FSTL5: variants seen among roughly 807,000 people sequenced by gnomAD.
FSTL5 encodes the protein follistatin like 5, also known as follistatin-related protein 5.
FSTL5 carries 62 observed loss-of-function variants against 89.1 expected under a neutral mutation model. That is an observed-to-expected ratio of 0.70 (90% CI 0.57 to 0.86). The LOEUF (loss-of-function observed/expected upper bound fraction) is 0.86. FSTL5 is among the 40% of genes least tolerant of loss of function. FSTL5 has a pLI of 0.00. For missense variants in FSTL5, 1,057 were observed against 1,001.6 expected (o/e 1.06, Z -0.75); for synonymous variants, 383 against 346.2 (o/e 1.11, Z -1.18).
intron 4 of FSTL5, among the ~76,000 whole-genome samples, chr4:161,887,488 A>G (rs961718606): frequency 2.6e-5 from 4 of 151,492 alleles, no homozygotes; most frequent in East Asian, 1.9e-4. Flanking sequence ...ATCTACTTCT[A>G]TCATCTCTCA....
In FSTL5 at chr4:161,573,969, G is replaced by A. The variant is rs537392160; in HGVS notation, c.1015+13486C>T. ...AGTTAGTTGGGTTTGGAGAGTACAC[G>A]GGATAATCCACGTTCATGCATTGTC... On this transcript the variant is annotated intron_variant, in intron 8 of 15. Coordinates refer to ENST00000306100, the MANE Select transcript of FSTL5 (RefSeq NM_020116.5). Among the ~76,000 whole-genome samples, 81 of 152,170 alleles carry A rather than the reference G, an allele frequency of 5.3e-4. 1 individual carries two copies. The highest frequency in any genetic ancestry group is 1.9e-3 in the African/African-American group (77 of 41,540).
chr4:161,798,725 G>C (rs570020693), intron 4 of FSTL5, among the ~76,000 whole-genome samples: 30 of 151,520 alleles, frequency 2.0e-4, no homozygotes, highest in Non-Finnish European at 3.7e-4. Context: ...TCTGGTGATA[G>C]GACCCATTTG....
At chr4:161,631,326 T>G (rs768134646) in intron 7 of FSTL5, among the ~76,000 whole-genome samples, 3 of 152,332 alleles carry the variant, frequency 2.0e-5, no homozygotes, top group East Asian at 1.9e-4. Context: ...TGTTCTTCTA[T>G]TAATAATTCA....
At position 161,676,003 on chromosome 4, in the gene FSTL5, G is replaced by C. The variant is rs1376309680; in HGVS notation, c.728-19509C>G. ...GTAGGAAACGAATCACATCAGATAAGTGCAAGCTGGTTTCTGGTATAATTC... is the reference window on the plus strand; with the variant it reads ...GTAGGAAACGAATCACATCAGATAACTGCAAGCTGGTTTCTGGTATAATTC... On this transcript the variant is annotated intron_variant, in intron 6 of 15. Transcript: ENST00000306100. 2.0e-5 allele frequency among the ~76,000 whole-genome samples: 3 copies of C among 152,106 alleles called. No homozygotes were observed. The East Asian group carries it at 5.8e-4, about 29-fold the overall frequency.
intron 1 of FSTL5, among the ~76,000 whole-genome samples, chr4:162,144,254 A>C (rs1390172921): frequency 6.6e-6 from 1 of 152,226 alleles, no homozygotes; most frequent in African/African-American, 2.4e-5. Context: ...TGCACACATC[A>C]GTGATTTATA....
intron 2 of FSTL5, among the ~76,000 whole-genome samples, chr4:162,053,891 G>T (rs1230269314): frequency 6.6e-6 from 1 of 151,460 alleles, no homozygotes; most frequent in South Asian, 2.1e-4. Flanking sequence ...TGAAAAAATA[G>T]TTCCTGTTCT....
At chr4:161,860,707 G>A (rs1005983481) in intron 4 of FSTL5, among the ~76,000 whole-genome samples, 3 of 152,084 alleles carry the variant, frequency 2.0e-5, no homozygotes, top group African/African-American at 4.8e-5. Context: ...AGGGAGTAAA[G>A]CCTTTATTTT....
chr4:161,782,797 C>T (rs974099053), intron 4 of FSTL5, among the ~76,000 whole-genome samples: 1 of 152,114 alleles, frequency 6.6e-6, no homozygotes, highest in Non-Finnish European at 1.5e-5. Context: ...TCTATCTAAG[C>T]AGTAGTAAAA....
intron 6 of FSTL5, among the ~76,000 whole-genome samples, chr4:161,753,785 G>C (rs1180708801): frequency 6.6e-6 from 1 of 152,094 alleles, no homozygotes; most frequent in Non-Finnish European, 1.5e-5. Flanking sequence ...GCTCACGCCT[G>C]CAATCCCAGC....
chr4:161,450,427 G>T (rs955972664), intron 15 of FSTL5, among the ~76,000 whole-genome samples: 3 of 152,116 alleles, frequency 2.0e-5, no homozygotes, highest in Admixed American at 6.5e-5. Context: ...TTGTTTTGAA[G>T]TTTAACACAA....
chr4:162,054,217 A>G (rs1478449983), intron 2 of FSTL5, among the ~76,000 whole-genome samples: 2 of 151,250 alleles, frequency 1.3e-5, no homozygotes, highest in Admixed American at 1.3e-4. Flanking sequence ...TATATGCCCA[A>G]ATATGCACAA....
chr4:161,634,552 T>C (rs1354472842), intron 7 of FSTL5, among the ~76,000 whole-genome samples: 1 of 152,136 alleles, frequency 6.6e-6, no homozygotes, highest in Non-Finnish European at 1.5e-5. Flanking sequence ...TGATAGGTTA[T>C]CCAATCTTAA....
At chr4:162,127,909 G>A (rs1732146985) in intron 1 of FSTL5, among the ~76,000 whole-genome samples, 1 of 152,104 alleles carries the variant, frequency 6.6e-6, no homozygotes, top group African/African-American at 2.4e-5. Context: ...CAGCCTATAA[G>A]TAATTCAAAT....
intron 8 of FSTL5, among the ~76,000 whole-genome samples, chr4:161,586,319 A>T (rs1278711911): frequency 6.6e-6 from 1 of 152,176 alleles, no homozygotes; most frequent in Non-Finnish European, 1.5e-5. Flanking sequence ...TGACATTTTC[A>T]TCGATAATAT....
At position 161,690,883 on chromosome 4, in the gene FSTL5, A is replaced by G. The variant is rs536800120; in HGVS notation, c.728-34389T>C. ...GTGTTCTAATTATTATCTCCCACTG[A>G]TAAATGAGAACATGCAGTATTTGGT... is the stretch of plus-strand genomic sequence containing the variant. On this transcript the variant is annotated intron_variant, in intron 6 of 15. Transcript: ENST00000306100. 2.0e-4 allele frequency among the ~76,000 whole-genome samples: 31 copies of G among 152,194 alleles called. No individual in the cohort carries two copies. In the East Asian group the frequency reaches 3.7e-3, roughly 18 times the overall value.
chr4:161,772,013 T>C (rs527580867), intron 5 of FSTL5, among the ~76,000 whole-genome samples: 34 of 152,302 alleles, frequency 2.2e-4, no homozygotes, highest in African/African-American at 7.9e-4. Flanking sequence ...CTTTTTGCTA[T>C]GACAACCTGC....
intron 8 of FSTL5, among the ~76,000 whole-genome samples, chr4:161,561,610 A>C (rs4328864): frequency 0.47 from 71,756 of 151,632 alleles, 17,246 homozygotes; most frequent in Middle Eastern, 0.6. Context: ...ATGGGGTAAA[A>C]ATTGTAGCTC....
chr4:161,707,610 T>A (rs991529844), intron 6 of FSTL5, among the ~76,000 whole-genome samples: 1 of 151,876 alleles, frequency 6.6e-6, no homozygotes, highest in Admixed American at 6.6e-5. Context: ...TTCTTCCAAT[T>A]TTTTCACGAA....
At chr4:161,532,120 G>T (rs11724835) in intron 10 of FSTL5, among the ~76,000 whole-genome samples, 1 of 151,420 alleles carries the variant, frequency 6.6e-6, no homozygotes, top group Non-Finnish European at 1.5e-5. Context: ...CAGGAGAATG[G>T]CATGAACCCG....
Sources: gnomAD v4.1 joint callset for allele counts (sites outside exome capture counted in the v4.1 genomes callset) on GRCh38, gnomAD v4.1.1 for gene constraint, MANE v1.5 for transcripts, NCBI Gene and HGNC (gene_info 2026-07-23, HGNC 2026-07-21) for gene names.